Variants in PREX1 observed in about 807,000 individuals in gnomAD.
The protein encoded by PREX1 is phosphatidylinositol-3,4,5-trisphosphate dependent Rac exchange factor 1.
Under a neutral mutation model 198.3 loss-of-function variants are expected in PREX1, and 41 were observed. The ratio of observed to expected loss-of-function variants is 0.21; its 90% CI spans 0.16 to 0.27. PREX1 has a LOEUF of 0.27. Ranked by LOEUF, PREX1 falls within the 10% of genes least tolerant of loss-of-function variation. The pLI is 1.00. For missense variants in PREX1, 1,620 were observed against 2,200.7 expected (o/e 0.74, Z 5.28); for synonymous variants, 843 against 887.2 (o/e 0.95, Z 0.89).
At chr20:48,640,866 G>T (rs2089404269) in intron 29 of PREX1, among the ~76,000 whole-genome samples, 1 of 146,350 alleles carries the variant, frequency 6.8e-6, no homozygotes, top group Non-Finnish European at 1.5e-5. Flanking sequence ...TGGGTAGGTG[G>T]GTAGATGGAT....
intron 5 of PREX1, among the ~76,000 whole-genome samples, chr20:48,725,365 G>C (rs2090005146): frequency 6.6e-6 from 1 of 152,222 alleles, no homozygotes; most frequent in South Asian, 2.1e-4. Context: ...GAGAGCAGTG[G>C]AAGGCGGAAG....
chr20:48,729,208 C>G (rs1002200604), intron 4 of PREX1, among the ~76,000 whole-genome samples: 1 of 152,106 alleles, frequency 6.6e-6, no homozygotes, highest in Non-Finnish European at 1.5e-5. Flanking sequence ...TCCTGAGTAG[C>G]TGGGATTACA....
At chr20:48,659,868 C>A (rs2089577181) in intron 16 of PREX1, 51 bp downstream of exon 16, 1 of 1,610,600 alleles carries the variant, frequency 6.2e-7, no homozygotes. Flanking sequence ...AGCTCCCATG[C>A]CTGCAGGGGG....
intron 1 of PREX1, among the ~76,000 whole-genome samples, chr20:48,797,018 CTTA>C (rs1325822856): frequency 1.3e-5 from 2 of 151,902 alleles, no homozygotes; most frequent in Non-Finnish European, 2.9e-5. Flanking sequence ...TCAGATATAT[CTTA>C]TTATAAGCTC....
rs756789711 is a variant in PREX1, at chr20:48,645,943, G to C, written c.3420C>G (p.Asp1140Glu). Residue 1140 changes from aspartate to glutamate, a missense_variant, in exon 26 of 40, where the codon GAC (aspartate) becomes GAG (glutamate). By Grantham distance (45) the Asp-to-Glu change is conservative. This residue lies in a region of PREX1 where 514 missense variants were observed against 611.6 expected (regional missense o/e 0.84). Transcript: ENST00000371941. ...AGCACACCTTCTTGATGCCCCCATGGTCACTCCTGTCCATCTCGCTCTCTT... is the reference window on the plus strand; with the variant it reads ...AGCACACCTTCTTGATGCCCCCATGCTCACTCCTGTCCATCTCGCTCTCTT... ...VSEESEMDRS[D>E]HGGIKKVCFK... The C allele has an allele frequency of 1.1e-5, 18 of 1,614,188 alleles. No homozygotes were observed. Among genetic ancestry groups the C allele is most frequent in the Non-Finnish European group, 1.4e-5 (16 of 1,180,028 alleles).
chr20:48,637,833 A>G (rs993390302), intron 30 of PREX1, 81 bp from the exon 31 acceptor site: 1 of 1,296,922 alleles, frequency 7.7e-7, no homozygotes, highest in Non-Finnish European at 1.1e-6. Flanking sequence ...GCCCCTCCCC[A>G]TGGCACCTCC....
At chr20:48,733,992 A>T (rs1322351694) in intron 4 of PREX1, among the ~76,000 whole-genome samples, 1 of 152,046 alleles carries the variant, frequency 6.6e-6, no homozygotes, top group Non-Finnish European at 1.5e-5. Context: ...GTCTCAAGTG[A>T]TCCACCCGCC....
the PREX1 span, among the ~76,000 whole-genome samples, chr20:48,840,339 CAAAAAAAA>C: frequency 9.0e-6 from 1 of 111,648 alleles, no homozygotes; most frequent in Admixed American, 9.5e-5. Context: ...TAACCTTAAC[CAAAAAAAA>C]AAAAAAAGAA....
intron 19 of PREX1, 81 bp downstream of exon 19, chr20:48,655,209 C>A: frequency 7.4e-7 from 1 of 1,343,800 alleles, no homozygotes; most frequent in South Asian, 1.4e-5. Context: ...GCCTAGAGTT[C>A]AGAAGGCTCT....
intron 8 of PREX1, 59 bp downstream of exon 8, chr20:48,692,613 A>C (rs562591548): frequency 2.2e-5 from 28 of 1,298,800 alleles, no homozygotes; most frequent in Non-Finnish European, 3.1e-5. Context: ...AAACAGAGAG[A>C]GTGCCAGGGA....
intron 1 of PREX1, among the ~76,000 whole-genome samples, chr20:48,781,135 C>G (rs2090287990): frequency 6.6e-6 from 1 of 152,112 alleles, no homozygotes; most frequent in Admixed American, 6.5e-5. Flanking sequence ...AGGGGCCATG[C>G]TATCTAAATG....
At chr20:48,723,431 G>A (rs8124661) in intron 5 of PREX1, among the ~76,000 whole-genome samples, 42,003 of 152,098 alleles carry the variant, frequency 0.28, 7,627 homozygotes, top group African/African-American at 0.52. Context: ...TGATGCAAAT[G>A]TTCCCGCTCT....
upstream of PREX1, among the ~76,000 whole-genome samples, chr20:48,828,206 C>A (rs951986499): frequency 3.3e-5 from 5 of 151,146 alleles, no homozygotes; most frequent in East Asian, 9.7e-4. Context: ...TCGGCGCCTC[C>A]GTCGGAAGCT....
intron 7 of PREX1, among the ~76,000 whole-genome samples, chr20:48,698,242 A>G (rs1021616455): frequency 2.0e-5 from 3 of 152,212 alleles, no homozygotes; most frequent in African/African-American, 7.2e-5. Context: ...ATCCAGTATC[A>G]GAATCAGCTG....
chr20:48,865,478 T>C, the PREX1 span, among the ~76,000 whole-genome samples: 1 of 152,164 alleles, frequency 6.6e-6, no homozygotes, highest in Admixed American at 6.5e-5. Flanking sequence ...CTCTTCAGCA[T>C]AAACTGTTAA....
intron 6 of PREX1, among the ~76,000 whole-genome samples, chr20:48,702,063 G>A (rs1368052033): frequency 6.6e-6 from 1 of 152,120 alleles, no homozygotes; most frequent in Non-Finnish European, 1.5e-5. Flanking sequence ...ACAAAAATTA[G>A]CCAGGCATGA....
chr20:48,672,008 A>G (rs531974983), intron 14 of PREX1, among the ~76,000 whole-genome samples: 4 of 152,330 alleles, frequency 2.6e-5, no homozygotes, highest in African/African-American at 9.6e-5. Flanking sequence ...ACAGAGTGAC[A>G]GTGACGCAAG....
In PREX1 at chr20:48,656,616, C is replaced by T. The variant is rs924139828; in HGVS notation, c.2123+424G>A. 69 of 450,670 alleles carry T rather than the reference C, an allele frequency of 1.5e-4. 1 individual carries two copies. The highest frequency in any genetic ancestry group is 6.9e-4 in the South Asian group (44 of 63,540). The allele number at this position is 450,670 out of a possible 1,614,324, so 27.9% of individuals were successfully genotyped here. On this transcript the variant is annotated intron_variant, in intron 18 of 39. Coordinates refer to ENST00000371941, the MANE Select transcript of PREX1 (RefSeq NM_020820.4). The stretch of plus-strand genomic sequence containing the variant: ...CCCTTGACTCCCCCCTCATCTGCTT[C>T]GGGTCTTCACCCCGACTCGCAGTGA...
At chr20:48,745,280 T>C in intron 2 of PREX1, 133 bp from the exon 3 acceptor site, 1 of 917,010 alleles carries the variant, frequency 1.1e-6, no homozygotes, top group East Asian at 2.5e-5. Context: ...CGGAACTGGT[T>C]TACCACTAAT....
Sources: gnomAD v4.1 joint callset for allele counts (sites outside exome capture counted in the v4.1 genomes callset) on GRCh38, gnomAD v4.1.1 for gene constraint, gnomAD v4.1.1 regional missense constraint, MANE v1.5 for transcripts, NCBI Gene and HGNC (gene_info 2026-07-23, HGNC 2026-07-21) for gene names.